FBXO42: variants seen among roughly 807,000 people sequenced by gnomAD.
The protein encoded by FBXO42 is F-box protein 42, also known as F-box only protein 42.
FBXO42 carries 12 observed loss-of-function variants against 71.7 expected under a neutral mutation model. The ratio of observed to expected loss-of-function variants is 0.17; its 90% CI spans 0.11 to 0.27. The LOEUF (loss-of-function observed/expected upper bound fraction) is 0.27. Among genes scored for constraint, FBXO42 ranks in the 10% least tolerant of loss-of-function variants. FBXO42 has a pLI of 1.00. For missense variants in FBXO42, 707 were observed against 911.9 expected (o/e 0.78, Z 2.89); for synonymous variants, 325 against 327.5 (o/e 0.99, Z 0.08).
chr1:16,273,397 T>C (rs1417373906), intron 4 of FBXO42, among the ~76,000 whole-genome samples: 4 of 152,164 alleles, frequency 2.6e-5, no homozygotes, highest in African/African-American at 9.7e-5. Flanking sequence ...TCATCAGATC[T>C]TTCAGATGGA....
In FBXO42 at chr1:16,251,604, C is replaced by T. The variant is rs778716983; in HGVS notation, c.1220G>A (p.Arg407His). The T allele has an allele frequency of 1.2e-6, 2 of 1,614,168 alleles. No individual in the cohort carries two copies. Among genetic ancestry groups the T allele is most frequent in the Admixed American group, 1.7e-5 (1 of 60,024 alleles). Reference protein sequence around the residue: ...SMDEAPCVNGRWGTLRPRAQR... With the variant: ...SMDEAPCVNGHWGTLRPRAQR... ...AGCCCTGGGTCTCAGTGTTCCCCAG[C>T]GGCCGTTAACACAAGGAGCTTCATC... The change falls in exon 10 of 10, where the codon CGC becomes CAC. Residue 407 changes from arginine (R) to histidine (H), a missense_variant. Physicochemically the swap from Arg to His is conservative, Grantham distance 29. This residue lies in a region of FBXO42 where 482 missense variants were observed against 587.1 expected (regional missense o/e 0.82). Transcript: ENST00000375592. The surrounding 1 kb of genome is among the most constrained non-coding windows in gnomAD (Gnocchi z 4.5).
At chr1:16,318,372 C>G (rs1376133833) in intron 1 of FBXO42, among the ~76,000 whole-genome samples, 1 of 152,206 alleles carries the variant, frequency 6.6e-6, no homozygotes, top group South Asian at 2.1e-4. Flanking sequence ...GAGCTGAGGT[C>G]GCTCCACTGC....
At chr1:16,311,878 G>A (rs1191884661) in intron 2 of FBXO42, among the ~76,000 whole-genome samples, 3 of 151,998 alleles carry the variant, frequency 2.0e-5, no homozygotes, top group Non-Finnish European at 4.4e-5. Context: ...TTACCCAAAG[G>A]AGCTGAAAAC....
intron 3 of FBXO42, among the ~76,000 whole-genome samples, chr1:16,303,925 A>T (rs1478620377): frequency 6.6e-6 from 1 of 151,306 alleles, no homozygotes; most frequent in Non-Finnish European, 1.5e-5. Flanking sequence ...TTTTATATAT[A>T]TATTTTTTTA....
chr1:16,345,183 G>A (rs1231157248), intron 1 of FBXO42, among the ~76,000 whole-genome samples: 2 of 150,414 alleles, frequency 1.3e-5, no homozygotes, highest in Non-Finnish European at 3.0e-5. Context: ...CAGCACTTTG[G>A]GAGACCAAGG....
intron 3 of FBXO42, among the ~76,000 whole-genome samples, chr1:16,299,512 C>T (rs996111084): frequency 6.6e-6 from 1 of 152,174 alleles, no homozygotes; most frequent in Non-Finnish European, 1.5e-5. Flanking sequence ...GTTTCACACA[C>T]TACTGTATTT....
chr1:16,331,709 G>A (rs1007387536), intron 1 of FBXO42, among the ~76,000 whole-genome samples: 9 of 150,960 alleles, frequency 6.0e-5, no homozygotes, highest in South Asian at 2.1e-4. Context: ...AGCCGAGATC[G>A]CACTACTGGG....
intron 4 of FBXO42, among the ~76,000 whole-genome samples, chr1:16,270,095 A>G (rs2081823605): frequency 6.6e-6 from 1 of 152,110 alleles, no homozygotes; most frequent in Non-Finnish European, 1.5e-5. Flanking sequence ...AGCTCAAGTG[A>G]TCAGCCTGCC....
Position 16,250,310 on chromosome 1 carries a change from G to A in FBXO42, c.*360C>T. The A allele has an allele frequency of 6.6e-6, 1 of 152,644 alleles. No individual in the cohort carries two copies. The highest frequency in any genetic ancestry group is 1.9e-4 in the East Asian group (1 of 5,206). 9.5% of individuals were successfully genotyped at this position (152,644 alleles called of 1,614,324 possible). On this transcript the variant is annotated 3_prime_UTR_variant, in exon 10 of 10. Coordinates refer to ENST00000375592, the MANE Select transcript of FBXO42 (RefSeq NM_018994.3). This position sits in a 1 kb window ranked among gnomAD's most constrained non-coding sequence, Gnocchi z 4.7. The stretch of plus-strand genomic sequence containing the variant: ...ATAAAGATTTACAGGGGGCTCTTCA[G>A]TTTCTTTTGGGAAGTTACTGATGTT...
chr1:16,306,403 C>T (rs923080963), intron 2 of FBXO42, among the ~76,000 whole-genome samples: 1 of 152,168 alleles, frequency 6.6e-6, no homozygotes, highest in African/African-American at 2.4e-5. Context: ...GAAAGGCAAT[C>T]CTTCCATTTT....
intron 4 of FBXO42, among the ~76,000 whole-genome samples, chr1:16,273,650 T>C (rs539293930): frequency 6.0e-5 from 9 of 150,410 alleles, no homozygotes; most frequent in Admixed American, 2.0e-4. Context: ...GAGGCTGAGG[T>C]GGGCAGATCT....
intron 1 of FBXO42, among the ~76,000 whole-genome samples, chr1:16,324,685 C>T (rs1319811323): frequency 6.6e-6 from 1 of 152,240 alleles, no homozygotes; most frequent in South Asian, 2.1e-4. Flanking sequence ...GCCATGGTGG[C>T]GCACACCTGT....
chr1:16,337,789 CAGA>C (rs936598161), intron 1 of FBXO42, among the ~76,000 whole-genome samples: 1 of 134,100 alleles, frequency 7.5e-6, no homozygotes, highest in African/African-American at 2.8e-5. Flanking sequence ...GAGGCTGAGG[CAGA>C]AGAATTGCTT....
intron 2 of FBXO42, among the ~76,000 whole-genome samples, chr1:16,311,498 A>AT (rs1557596979): frequency 1.6e-3 from 148 of 94,112 alleles, no homozygotes; most frequent in Admixed American, 2.7e-3. Context: ...AAAAAAAAAA[A>AT]AAAAAATATA....
chr1:16,291,186 C>A (rs577462878), intron 4 of FBXO42, among the ~76,000 whole-genome samples: 3 of 152,100 alleles, frequency 2.0e-5, no homozygotes, highest in Non-Finnish European at 4.4e-5. Flanking sequence ...AATCTACCTA[C>A]CTCGATGCAC....
intron 1 of FBXO42, among the ~76,000 whole-genome samples, chr1:16,339,680 G>GC (rs2082584684): frequency 4.4e-5 from 3 of 68,352 alleles, no homozygotes; most frequent in Admixed American, 3.5e-4. Flanking sequence ...TTGCACAGCT[G>GC]AACAGATTAT....
rs759871884 is a variant in FBXO42 at position 16,250,989 on chromosome 1, T to C, written c.1835A>G (p.His612Arg). 1.2e-6 allele frequency: 2 copies of C among 1,614,204 alleles called. No homozygotes were observed. The highest frequency in any genetic ancestry group is 1.1e-5 in the South Asian group (1 of 91,090). Residue 612 changes from histidine (H) to arginine (R), a missense_variant, in exon 10 of 10, where the codon CAT (histidine) becomes CGT (arginine). Physicochemically the swap from His to Arg is conservative, Grantham distance 29 (BLOSUM62 0). Around this residue, in one of 5 missense-constraint regions of FBXO42, gnomAD observed 482 missense variants for 587.1 expected, o/e 0.82. Coordinates refer to ENST00000375592, the MANE Select transcript of FBXO42 (RefSeq NM_018994.3). The surrounding 1 kb of genome is among the most constrained non-coding windows in gnomAD (Gnocchi z 4.7). ...PRPGPAQGDG[H>R]SLPPIARRLG... ...GCGGCGAGCAATGGGAGGTAAGGAA[T>C]GTCCATCTCCTTGGGCAGGCCCTGG...
At position 16,294,871 on chromosome 1, in the gene FBXO42, G is replaced by A. The variant is rs2082112770; in HGVS notation, c.414C>T (p.Gly138=). The change falls in exon 4 of 10, where the codon GGC becomes GGT. Residue 138 remains glycine, a synonymous_variant. Coordinates refer to ENST00000375592, the MANE Select transcript of FBXO42 (RefSeq NM_018994.3). The part of the protein sequence containing the change: ...DANQSMYVFG[G]CTQSSCNAAF... ...CAGCATTGCAGCTGCTCTGGGTACA[G>A]CCTCCAAACACATACATAGACTGAT... The A allele has an allele frequency of 6.2e-7, 1 of 1,614,152 alleles. No individual in the cohort carries two copies.
chr1:16,315,570 C>T (rs1334662094), intron 1 of FBXO42, 135 bp from the exon 2 acceptor site: 3 of 799,172 alleles, frequency 3.8e-6, no homozygotes, highest in Admixed American at 2.9e-5. Flanking sequence ...CTTTCCAATA[C>T]CACTTGTGAG....
Sources: gnomAD v4.1 joint callset for allele counts (sites outside exome capture counted in the v4.1 genomes callset) on GRCh38, gnomAD v4.1.1 for gene constraint, gnomAD v4.1.1 regional missense constraint, Gnocchi (gnomAD v3.1) non-coding constraint, MANE v1.5 for transcripts, NCBI Gene and HGNC (gene_info 2026-07-23, HGNC 2026-07-21) for gene names.